Variants in SHOC1 observed in about 807,000 individuals in gnomAD.
The protein encoded by SHOC1 is shortage in chiasmata 1.
A neutral mutation model predicts 179.2 loss-of-function variants in SHOC1; 136 were observed. That is an observed-to-expected ratio of 0.76 (90% CI 0.66 to 0.87). SHOC1 has a LOEUF of 0.87. SHOC1 is among the 40% of genes least tolerant of loss of function. The probability of loss-of-function intolerance (pLI) is 0.00; values close to 1 mark genes in which losing one functional copy is unlikely to be tolerated. For synonymous variants in SHOC1, 489 were observed against 586.6 expected, an observed-to-expected ratio of 0.83 and a Z score of 2.41; for missense variants, 1,538 against 1,700.8, an observed-to-expected ratio of 0.90 and a Z score of 1.68.
chr9:111,724,867 A>G (rs1833227784), intron 13 of SHOC1, among the ~76,000 whole-genome samples: 1 of 152,212 alleles, frequency 6.6e-6, no homozygotes, highest in South Asian at 2.1e-4. Flanking sequence ...TCTCAAGGTC[A>G]GCAACAGCAT....
At chr9:111,735,618 G>T (rs978556094) in intron 12 of SHOC1, among the ~76,000 whole-genome samples, 96 of 152,094 alleles carry the variant, frequency 6.3e-4, no homozygotes, top group African/African-American at 2.3e-3. Context: ...CCAAGTCTTT[G>T]CTATTGTGAA....
chr9:111,763,183 A>G (rs1835211070), intron 5 of SHOC1, among the ~76,000 whole-genome samples: 1 of 151,990 alleles, frequency 6.6e-6, no homozygotes, highest in African/African-American at 2.4e-5. Context: ...AAAATTTTAA[A>G]CTTTTTTGAA....
At chr9:111,715,673 A>G (rs1782538059) in intron 16 of SHOC1, among the ~76,000 whole-genome samples, 1 of 152,134 alleles carries the variant, frequency 6.6e-6, no homozygotes, top group Admixed American at 6.5e-5. Flanking sequence ...ACTGTTGGCA[A>G]CATTTCCACT....
At chr9:111,704,312 T>G (rs1832143266) in intron 21 of SHOC1, among the ~76,000 whole-genome samples, 1 of 152,238 alleles carries the variant, frequency 6.6e-6, no homozygotes, top group Non-Finnish European at 1.5e-5. Context: ...GACTAAAATA[T>G]TCTGCATTTA....
intron 10 of SHOC1, among the ~76,000 whole-genome samples, chr9:111,742,665 A>AT (rs1834096399): frequency 6.6e-6 from 1 of 152,172 alleles, no homozygotes; most frequent in Non-Finnish European, 1.5e-5. Flanking sequence ...CTCTGTTCAT[A>AT]TGGAACATAT....
At chr9:111,730,882 T>C (rs1012729685) in intron 12 of SHOC1, among the ~76,000 whole-genome samples, 1 of 152,252 alleles carries the variant, frequency 6.6e-6, no homozygotes, top group African/African-American at 2.4e-5. Context: ...TTCATCTACA[T>C]TGAATATCTG....
intron 25 of SHOC1, 118 bp downstream of exon 25, chr9:111,694,113 T>C: frequency 8.6e-7 from 1 of 1,167,510 alleles, no homozygotes; most frequent in Non-Finnish European, 1.2e-6. Flanking sequence ...ACTTTTGTTA[T>C]TGCACCTACC....
intron 8 of SHOC1, among the ~76,000 whole-genome samples, chr9:111,749,358 C>T (rs1834454347): frequency 6.6e-6 from 1 of 151,902 alleles, no homozygotes. Context: ...GAAGCTTAAC[C>T]AATTTATATT....
chr9:111,773,400 C>A (rs1835697128), intron 5 of SHOC1, among the ~76,000 whole-genome samples: 1 of 151,258 alleles, frequency 6.6e-6, no homozygotes, highest in Non-Finnish European at 1.5e-5. Context: ...GCAACCTCTG[C>A]CTCCCAGGTT....
intron 9 of SHOC1, among the ~76,000 whole-genome samples, chr9:111,747,861 A>G (rs2131526524): frequency 6.6e-6 from 1 of 152,344 alleles, no homozygotes; most frequent in Admixed American, 6.5e-5. Flanking sequence ...CTGGGATTAC[A>G]GGCGTGAACC....
At chr9:111,713,239 A>G in intron 17 of SHOC1, 67 bp from the exon 18 acceptor site, 2 of 775,552 alleles carry the variant, frequency 2.6e-6, no homozygotes, top group Non-Finnish European at 4.1e-6. Flanking sequence ...TGATACAGTG[A>G]CAAAATAACA....
intron 13 of SHOC1, among the ~76,000 whole-genome samples, chr9:111,725,390 G>C (rs1243663137): frequency 6.6e-6 from 1 of 152,118 alleles, no homozygotes; most frequent in Non-Finnish European, 1.5e-5. Flanking sequence ...GGCTAAGTTG[G>C]GGAATAGAAT....
intron 11 of SHOC1, 77 bp downstream of exon 11, chr9:111,741,399 G>T: frequency 1.3e-6 from 1 of 795,658 alleles, no homozygotes; most frequent in South Asian, 1.6e-5. Context: ...CAAAGAAAAA[G>T]GATATCCCAC....
At chr9:111,712,044 A>C (rs1832576389) in intron 18 of SHOC1, among the ~76,000 whole-genome samples, 1 of 152,220 alleles carries the variant, frequency 6.6e-6, no homozygotes, top group African/African-American at 2.4e-5. Flanking sequence ...TAAGATGTTG[A>C]AGATCATGAA....
chr9:111,705,421 C>G, intron 20 of SHOC1, 57 bp from the exon 21 acceptor site: 1 of 707,864 alleles, frequency 1.4e-6, no homozygotes, highest in Non-Finnish European at 2.1e-6. Flanking sequence ...CCAGCTCTTT[C>G]TCTTTTTTTT....
chr9:111,732,482 T>G (rs1239396242), intron 12 of SHOC1, among the ~76,000 whole-genome samples: 1 of 152,202 alleles, frequency 6.6e-6, no homozygotes, highest in Non-Finnish European at 1.5e-5. Flanking sequence ...TTATAACTTT[T>G]ATTCACAATA....
intron 3 of SHOC1, among the ~76,000 whole-genome samples, chr9:111,783,882 GA>G (rs1487761328): frequency 1.3e-5 from 2 of 152,146 alleles, no homozygotes; most frequent in Non-Finnish European, 2.9e-5. Context: ...CAGGGCAAAT[GA>G]AGTCTTCATA....
intron 20 of SHOC1, 30 bp from the exon 21 acceptor site, chr9:111,705,394 T>A: frequency 1.8e-6 from 2 of 1,126,570 alleles, no homozygotes; most frequent in Non-Finnish European, 2.5e-6. Context: ...TAAATATTTC[T>A]CTTTTATTCT....
At chr9:111,773,235 C>T (rs1260054450) in intron 5 of SHOC1, among the ~76,000 whole-genome samples, 1 of 152,182 alleles carries the variant, frequency 6.6e-6, no homozygotes, top group African/African-American at 2.4e-5. Flanking sequence ...CAGATTACTG[C>T]TTTTTATTGT....
Sources: allele counts gnomAD v4.1 joint callset (sites outside exome capture counted in the v4.1 genomes callset), GRCh38; gene constraint gnomAD v4.1.1; transcripts MANE v1.5; gene names NCBI Gene and HGNC (gene_info 2026-07-23, HGNC 2026-07-21).